TMPRSS9: variants seen among roughly 807,000 people sequenced by gnomAD.
TMPRSS9 encodes transmembrane serine protease 9, also known as transmembrane protease serine 9.
In TMPRSS9, 113 loss-of-function variants were observed where a neutral mutation model predicts 111.4. The observed-to-expected ratio is 1.01, with a 90% CI of 0.87 to 1.19. The LOEUF (loss-of-function observed/expected upper bound fraction) is 1.19, where lower values mean the gene tolerates loss of function less well. TMPRSS9 is among the 50% of genes most tolerant of loss of function. TMPRSS9 has a pLI of 0.00. For missense variants in TMPRSS9, 1,803 were observed against 1,513.1 expected, an observed-to-expected ratio of 1.19 and a Z score of -3.18; for synonymous variants, 805 against 659.1, an observed-to-expected ratio of 1.22 and a Z score of -3.39.
intron 10 of TMPRSS9, among the ~76,000 whole-genome samples, chr19:2,415,411 T>C (rs1426659727): frequency 2.0e-5 from 3 of 152,100 alleles, no homozygotes; most frequent in Admixed American, 6.6e-5. Context: ...GTGGGGTCTG[T>C]TGCGGGGGGT....
At chr19:2,368,325 CAAAA>C (rs78477170) in intron 1 of TMPRSS9, among the ~76,000 whole-genome samples, 1 of 113,372 alleles carries the variant, frequency 8.8e-6, no homozygotes, top group Non-Finnish European at 1.9e-5. Context: ...TTTGAGAGAC[CAAAA>C]AAAAAAAAAA....
chr19:2,374,248 CTTTTTTTTTTTTTTTT>C (rs1027376774), intron 1 of TMPRSS9, among the ~76,000 whole-genome samples: 3,424 of 70,478 alleles, frequency 0.049, 111 homozygotes, highest in East Asian at 0.072. Context: ...TCTCAACAAT[CTTTTTTTTTTTTTTTT>C]TTTTTTTTTT....
intron 1 of TMPRSS9, among the ~76,000 whole-genome samples, chr19:2,366,573 A>G (rs1970249008): frequency 6.6e-6 from 1 of 152,142 alleles, no homozygotes; most frequent in South Asian, 2.1e-4. Context: ...GACATGGGCC[A>G]GGGGCTGGGT....
chr19:2,385,571 A>G (rs1251780066), upstream of TMPRSS9, among the ~76,000 whole-genome samples: 1 of 151,958 alleles, frequency 6.6e-6, no homozygotes, highest in East Asian at 1.9e-4. Flanking sequence ...AAATGATTAT[A>G]AACGGTCAGA....
chr19:2,410,516 A>G, intron 9 of TMPRSS9, 122 bp downstream of exon 10: 1 of 1,336,078 alleles, frequency 7.5e-7, no homozygotes, highest in Non-Finnish European at 1.0e-6. Flanking sequence ...CAGACCCCAG[A>G]AAAACACAGA....
intron 11 of TMPRSS9, 81 bp from the exon 13 acceptor site, chr19:2,416,457 G>A: frequency 6.6e-7 from 1 of 1,521,674 alleles, no homozygotes; most frequent in East Asian, 2.3e-5. Flanking sequence ...GCTTCCTGGG[G>A]GTGTGCATCA....
rs142763962 is a variant in TMPRSS9, at chr19:2,396,457, A to G, written c.143-82A>G. On this transcript the variant is annotated intron_variant, in intron 1 of 17. Coordinates refer to ENST00000648592, the Ensembl canonical transcript of TMPRSS9. Reference sequence around the variant, plus strand: ...ACCACCAGGGTGTGTGAGTGCAAACAGGGCGGGGCCTGGGTGGCAGCTCAG... The same window carrying G: ...ACCACCAGGGTGTGTGAGTGCAAACGGGGCGGGGCCTGGGTGGCAGCTCAG... 6.9e-4 allele frequency: 999 copies of G among 1,454,892 alleles called. 12 individuals carry two copies. In the African/African-American group the frequency reaches 0.012, roughly 17 times the overall value. The allele number at this position is 1,454,892 out of a possible 1,614,324, so 90.1% of individuals were successfully genotyped here.
rs146057353 is a variant in TMPRSS9 at position 2,364,460 on chromosome 19, C to T, written c.-26+4100C>T. ...ATGGGATCTCACTATGTTGATCAGG[C>T]TGGTCTTGAATTCCTGGGCTCAAGG... On this transcript the variant is annotated intron_variant, in intron 1 of 17. Transcript: ENST00000649857. Among the ~76,000 whole-genome samples the T allele has an allele frequency of 2.7e-4, 41 of 152,172 alleles. 1 individual carries two copies. The highest frequency in any genetic ancestry group is 6.8e-3 in the Middle Eastern group (2 of 294).
intron 1 of TMPRSS9, among the ~76,000 whole-genome samples, chr19:2,360,720 T>C (rs1044018606): frequency 7.5e-6 from 1 of 133,606 alleles, no homozygotes; most frequent in Admixed American, 7.1e-5. Context: ...GCGGCGGGGG[T>C]TATGTGGACG....
intron 14 of TMPRSS9, among the ~76,000 whole-genome samples, chr19:2,423,597 CAG>C (rs1405475116): frequency 1.3e-5 from 2 of 152,134 alleles, no homozygotes; most frequent in Non-Finnish European, 2.9e-5. Context: ...TGGGTGGTAA[CAG>C]GGTCCCTGAA....
At chr19:2,371,374 G>T (rs1970289229) in intron 1 of TMPRSS9, among the ~76,000 whole-genome samples, 1 of 152,132 alleles carries the variant, frequency 6.6e-6, no homozygotes, top group Non-Finnish European at 1.5e-5. Context: ...TTGGCCAGAT[G>T]TCCCAGGTTC....
intron 1 of TMPRSS9, among the ~76,000 whole-genome samples, chr19:2,373,323 C>G (rs761956982): frequency 5.3e-5 from 8 of 151,822 alleles, no homozygotes; most frequent in Admixed American, 5.3e-4. Context: ...CTCTGCCTCC[C>G]GGGTTCAAGT....
intron 13 of TMPRSS9, 152 bp downstream of exon 14, chr19:2,418,290 CCTTTCCTTCCCTCCCTT>C: frequency 6.3e-6 from 4 of 637,768 alleles, no homozygotes; most frequent in African/African-American, 4.2e-5. Flanking sequence ...TTCCTTTCCT[CCTTTCCTTCCCTCCCTT>C]TCCCTCCCTC....
rs1056769072 is a variant in TMPRSS9, at chr19:2,425,690, C to G, written c.3120+197C>G. The G allele has an allele frequency of 1.1e-5, 14 of 1,235,618 alleles. No homozygotes were observed. In the African/African-American group the frequency reaches 1.4e-4, roughly 13 times the overall value. 76.5% of individuals were successfully genotyped at this position (1,235,618 alleles called of 1,614,324 possible). The stretch of plus-strand genomic sequence containing the variant: ...ATTGGGCAACCCACCGCATCCCATC[C>G]CCGGGCCTCGGCGGCAGAGCAGGCA... On this transcript the variant is annotated intron_variant, in intron 17 of 17. Transcript: ENST00000648592.
At chr19:2,372,087 C>T (rs1238878876) in intron 1 of TMPRSS9, among the ~76,000 whole-genome samples, 1 of 152,150 alleles carries the variant, frequency 6.6e-6, no homozygotes, top group African/African-American at 2.4e-5. Context: ...AAACTCTTGA[C>T]CTCAAGTGAT....
exon 11 of TMPRSS9, chr19:2,415,754 T>C: frequency 6.2e-7 from 1 of 1,610,554 alleles, no homozygotes; most frequent in Non-Finnish European, 8.5e-7. Context: ...CCCTGGCAGG[T>C]CAGCCTGAAG....
At chr19:2,360,396 C>T (rs1970185350) in intron 1 of TMPRSS9, among the ~76,000 whole-genome samples, 36 bp downstream of exon 1, 1 of 152,100 alleles carries the variant, frequency 6.6e-6, no homozygotes, top group Admixed American at 6.5e-5. Flanking sequence ...AGCCTCCCCT[C>T]GGAACAGCCC....
chr19:2,383,631 C>G (rs1037460887), intron 1 of TMPRSS9, among the ~76,000 whole-genome samples: 2 of 150,372 alleles, frequency 1.3e-5, no homozygotes, highest in African/African-American at 4.9e-5. Context: ...CCACTGCACC[C>G]TGACTCTACA....
intron 1 of TMPRSS9, among the ~76,000 whole-genome samples, chr19:2,380,162 ATCATGCAGAGAG>A (rs1408058872): frequency 6.6e-6 from 1 of 152,070 alleles, no homozygotes; most frequent in African/African-American, 2.4e-5. Context: ...TAGTGGGAGA[ATCATGCAGAGAG>A]TCATGAGACT....
Sources: allele counts gnomAD v4.1 joint callset (sites outside exome capture counted in the v4.1 genomes callset), GRCh38; gene constraint gnomAD v4.1.1; transcripts MANE v1.5; gene names NCBI Gene and HGNC (gene_info 2026-07-23, HGNC 2026-07-21).